Variants in OPHN1 observed in about 807,000 individuals in gnomAD.
OPHN1 encodes the protein oligophrenin 1, also known as oligophrenin-1.
A neutral mutation model predicts 60.7 loss-of-function variants in OPHN1; 11 were observed. That is an observed-to-expected ratio of 0.18 (90% CI 0.11 to 0.30). OPHN1 has a LOEUF of 0.30. Ranked by LOEUF, OPHN1 falls within the 10% of genes least tolerant of loss-of-function variation. OPHN1 has a pLI of 1.00. For missense variants in OPHN1, 449 were observed against 611.0 expected, an observed-to-expected ratio of 0.73 and a Z score of 2.80; for synonymous variants, 226 against 222.6, an observed-to-expected ratio of 1.02 and a Z score of -0.14.
chrX:68,088,230 C>T (rs2077002663), intron 19 of OPHN1, among the ~76,000 whole-genome samples: 1 of 111,553 alleles, frequency 9.0e-6, no homozygotes, highest in African/African-American at 3.3e-5. Flanking sequence ...ACCAGTACCT[C>T]CTGCCTGAAA....
At chrX:68,420,536 T>A (rs2091783172) in intron 2 of OPHN1, among the ~76,000 whole-genome samples, 1 of 111,849 alleles carries the variant, frequency 8.9e-6, no homozygotes, top group Non-Finnish European at 1.9e-5. Flanking sequence ...CCCAACTCAA[T>A]TTGTATTAGA....
At chrX:68,073,086 T>A (rs997378521) in intron 20 of OPHN1, 66 bp downstream of exon 20, 2 of 1,119,650 alleles carry the variant, frequency 1.8e-6, no homozygotes, top group African/African-American at 3.6e-5. Context: ...CCACCGCTTC[T>A]GCCCTTCGAT....
At chrX:68,192,739 C>T in intron 15 of OPHN1, 180 bp downstream of exon 15, 1 of 442,632 alleles carries the variant, frequency 2.3e-6, no homozygotes, top group South Asian at 3.3e-5. Context: ...GAGATAACAG[C>T]CATTTTCAAG....
chrX:68,231,152 C>G (rs1226750657), intron 6 of OPHN1, among the ~76,000 whole-genome samples: 2 of 110,912 alleles, frequency 1.8e-5, no homozygotes, highest in African/African-American at 6.6e-5. Flanking sequence ...ATAAGCCAGG[C>G]ACAAAAAGAC....
intron 2 of OPHN1, among the ~76,000 whole-genome samples, chrX:68,412,888 T>G (rs752725001): frequency 9.9e-5 from 11 of 111,629 alleles, no homozygotes; most frequent in African/African-American, 3.6e-4. Flanking sequence ...TTTTATTTTG[T>G]TGTTCAATAG....
At chrX:68,270,820 T>G (rs1386889057) in intron 5 of OPHN1, among the ~76,000 whole-genome samples, 2 of 111,361 alleles carry the variant, frequency 1.8e-5, no homozygotes, top group Non-Finnish European at 3.8e-5. Context: ...TCATGAGCCA[T>G]GAGAAAACTA....
chrX:68,387,272 C>T (rs2078629551), intron 2 of OPHN1, among the ~76,000 whole-genome samples: 1 of 107,444 alleles, frequency 9.3e-6, no homozygotes, highest in Non-Finnish European at 1.9e-5. Flanking sequence ...GTGATGATTC[C>T]ACTTTCTAAG....
intron 2 of OPHN1, among the ~76,000 whole-genome samples, chrX:68,308,161 C>CA (rs1328583837): frequency 1.8e-5 from 2 of 111,876 alleles, no homozygotes; most frequent in East Asian, 2.8e-4. Context: ...TAATCAAAAA[C>CA]AAAAAAATGC....
At chrX:68,383,576 G>T (rs1198719783) in intron 2 of OPHN1, among the ~76,000 whole-genome samples, 2 of 90,723 alleles carry the variant, frequency 2.2e-5, no homozygotes, top group Non-Finnish European at 4.3e-5. Context: ...TCCAGCTTGG[G>T]TGACAGCGAG....
chrX:68,224,747 T>C (rs1231907497), intron 6 of OPHN1, among the ~76,000 whole-genome samples: 1 of 112,197 alleles, frequency 8.9e-6, no homozygotes, highest in Non-Finnish European at 1.9e-5. Flanking sequence ...AAAGAAGATA[T>C]CGACTGAAGG....
chrX:68,205,891 T>C lies in OPHN1; in HGVS notation c.933+682A>G, dbSNP rs756947446. Among the ~76,000 whole-genome samples the C allele has an allele frequency of 2.7e-5, 3 of 111,120 alleles. No homozygotes were observed. The South Asian group carries it at 1.2e-3, about 43-fold the overall frequency. ...TAAAGGGGAAAGAGGCACATTGAAC[T>C]ACTTTTAGAATATAAACAATCTGTC... On this transcript the variant is annotated intron_variant, in intron 10 of 24. Coordinates refer to ENST00000355520, the MANE Select transcript of OPHN1 (RefSeq NM_002547.3).
At chrX:68,110,082 T>C (rs1275017257) in intron 18 of OPHN1, among the ~76,000 whole-genome samples, 1 of 108,444 alleles carries the variant, frequency 9.2e-6, no homozygotes, top group Non-Finnish European at 1.9e-5. Flanking sequence ...ATGTGTAGAT[T>C]TGTTAGGTAC....
intron 16 of OPHN1, among the ~76,000 whole-genome samples, chrX:68,113,729 C>T (rs2077114691): frequency 9.8e-6 from 1 of 101,677 alleles, no homozygotes; most frequent in Non-Finnish European, 2.0e-5. Context: ...AAACCAAACA[C>T]CGCATGTTCT....
intron 7 of OPHN1, among the ~76,000 whole-genome samples, chrX:68,212,419 T>A (rs1219969740): frequency 9.0e-6 from 1 of 110,908 alleles, no homozygotes; most frequent in Non-Finnish European, 1.9e-5. Flanking sequence ...ATCCCATCTC[T>A]ACTAAAAATA....
chrX:68,088,659 G>T (rs2077004515), intron 19 of OPHN1, among the ~76,000 whole-genome samples: 1 of 111,266 alleles, frequency 9.0e-6, no homozygotes, highest in African/African-American at 3.3e-5. Flanking sequence ...AGGGGTGGTG[G>T]TATAGGGCAG....
intron 16 of OPHN1, among the ~76,000 whole-genome samples, chrX:68,115,020 G>A (rs896862158): frequency 8.9e-5 from 10 of 111,781 alleles, no homozygotes; most frequent in African/African-American, 2.6e-4. Flanking sequence ...AACAGATGAC[G>A]AAACCACAAG....
rs964164453 is a variant in OPHN1 at position 68,270,755 on chromosome X, G to C, written c.384+3983C>G. The stretch of plus-strand genomic sequence containing the variant: ...AATTATAATAATAATTAAAAAAAAA[G>C]AATCTCAAACTAACAGAAGATCAGA... On this transcript the variant is annotated intron_variant, in intron 5 of 24. Coordinates refer to ENST00000355520, the MANE Select transcript of OPHN1 (RefSeq NM_002547.3). Among the ~76,000 whole-genome samples the C allele has an allele frequency of 4.5e-5, 5 of 110,035 alleles. No homozygotes were observed. In the Admixed American group the frequency reaches 4.8e-4, roughly 11 times the overall value.
At chrX:68,260,876 T>C (rs1236756635) in intron 5 of OPHN1, among the ~76,000 whole-genome samples, 1 of 111,587 alleles carries the variant, frequency 9.0e-6, no homozygotes, top group African/African-American at 3.3e-5. Context: ...GCACTGGCCT[T>C]TGGAATGCAG....
intron 12 of OPHN1, among the ~76,000 whole-genome samples, chrX:68,195,003 AAAGGAAGG>A (rs747674245): frequency 0.036 from 2,115 of 58,699 alleles, 44 homozygotes; most frequent in East Asian, 0.049. Context: ...AGAGAGAAAG[AAAGGAAGG>A]AAGGAAGGAA....
Sources: gnomAD v4.1 joint callset for allele counts (sites outside exome capture counted in the v4.1 genomes callset) on GRCh38, gnomAD v4.1.1 for gene constraint, MANE v1.5 for transcripts, NCBI Gene and HGNC (gene_info 2026-07-23, HGNC 2026-07-21) for gene names.